RASL12: variants seen among roughly 807,000 people sequenced by gnomAD.
The protein encoded by RASL12 is RAS like family 12.
RASL12 carries 16 observed loss-of-function variants against 22.9 expected under a neutral mutation model. The observed-to-expected ratio is 0.70, with a 90% confidence interval of 0.47 to 1.06. RASL12 has a LOEUF of 1.06. Among genes scored for constraint, RASL12 ranks in the 50% least tolerant of loss-of-function variants. The probability of loss-of-function intolerance (pLI) is 0.00; values close to 1 mark genes in which losing one functional copy is unlikely to be tolerated. For synonymous variants in RASL12, 159 were observed against 152.2 expected (o/e 1.04, Z -0.33); for missense variants, 306 against 353.1 (o/e 0.87, Z 1.07).
chr15:65,072,786 C>A (rs2086940652), upstream of RASL12, among the ~76,000 whole-genome samples: 1 of 152,126 alleles, frequency 6.6e-6, no homozygotes, highest in Non-Finnish European at 1.5e-5. Context: ...GAGGATTGAA[C>A]CATATGAGCC....
At chr15:65,050,034 C>T (rs887720551), downstream of RASL12, 4 of 1,551,476 alleles carry the variant, frequency 2.6e-6, no homozygotes, top group Non-Finnish European at 3.5e-6. Flanking sequence ...CTCCCGGAGA[C>T]CCAGCCGGTA....
chr15:65,057,042 C>T (rs1334206468), intron 4 of RASL12, among the ~76,000 whole-genome samples: 2 of 152,194 alleles, frequency 1.3e-5, no homozygotes, highest in Non-Finnish European at 2.9e-5. Context: ...TCAAAGACTA[C>T]CTTCAGCAGC....
At chr15:65,052,954 C>G, downstream of RASL12, 3 of 1,574,820 alleles carry the variant, frequency 1.9e-6, no homozygotes, top group Non-Finnish European at 1.7e-6. Context: ...ACACTGTTCC[C>G]TGTCCCCCCA....
At chr15:65,066,162 T>G (rs2086876922) in intron 1 of RASL12, among the ~76,000 whole-genome samples, 15 of 105,808 alleles carry the variant, frequency 1.4e-4, no homozygotes, top group African/African-American at 1.5e-4. Context: ...AAGAGAGGGA[T>G]GAAGGGAAGG....
At chr15:65,050,125 AG>A, downstream of RASL12, 1 of 1,542,228 alleles carries the variant, frequency 6.5e-7, no homozygotes, top group Non-Finnish European at 8.8e-7. Context: ...GATTGACGGC[AG>A]GGGTGGGGGT....
chr15:65,055,352 G>A (rs751857829), intron 4 of RASL12, 78 bp from the exon 5 acceptor site: 23 of 1,328,854 alleles, frequency 1.7e-5, no homozygotes, highest in East Asian at 2.5e-5. Flanking sequence ...TACACCCAGC[G>A]CCCCATGGAC....
rs962911468 is a variant in RASL12, at chr15:65,058,701, C to A, written c.235-84G>T. The A allele has an allele frequency of 7.0e-6, 7 of 995,466 alleles. No individual in the cohort carries two copies. In the East Asian group the frequency reaches 2.0e-4, roughly 29 times the overall value. 61.7% of individuals were successfully genotyped at this position (995,466 alleles called of 1,614,324 possible). A position where few individuals can be genotyped will look rare whatever the true frequency, so the allele number is the denominator to read the frequency against. On this transcript the variant is annotated intron_variant, in intron 3 of 4. Transcript: ENST00000220062. ...ACCTGAGCCGCCCAATCCCACCTCC[C>A]CACTCCCCGGTCTTTGTATATTGTT...
intron 4 of RASL12, among the ~76,000 whole-genome samples, chr15:65,055,476 T>C (rs2086720526): frequency 6.6e-6 from 1 of 152,218 alleles, no homozygotes. Context: ...AGACAATTTG[T>C]TTCAAGTGCT....
the RASL12 span, among the ~76,000 whole-genome samples, chr15:65,047,625 T>TA: frequency 6.6e-6 from 1 of 152,192 alleles, no homozygotes; most frequent in Non-Finnish European, 1.5e-5. Flanking sequence ...CAGGCACTCT[T>TA]ACATCTGAGA....
intron 2 of RASL12, among the ~76,000 whole-genome samples, chr15:65,061,087 A>G (rs2086797824): frequency 6.6e-6 from 1 of 152,228 alleles, no homozygotes; most frequent in African/African-American, 2.4e-5. Context: ...CAATGGGCGC[A>G]GTGTCCTGCC....
upstream of RASL12, among the ~76,000 whole-genome samples, chr15:65,070,730 T>C (rs1426288648): frequency 6.6e-6 from 1 of 152,220 alleles, no homozygotes; most frequent in Non-Finnish European, 1.5e-5. Context: ...CCCTTTCATA[T>C]AAAGCTAAGC....
downstream of RASL12, chr15:65,050,001 G>A (rs749508267): frequency 2.1e-5 from 32 of 1,550,294 alleles, no homozygotes; most frequent in Non-Finnish European, 2.5e-5. Flanking sequence ...CCAGGAGCAG[G>A]GGCATGGAGC....
chr15:65,054,974 G>T lies in RASL12; in HGVS notation c.726C>A (p.Thr242=). The T allele has an allele frequency of 2.5e-6, 4 of 1,614,190 alleles. No homozygotes were observed. Among genetic ancestry groups the T allele is most frequent in the Non-Finnish European group, 3.4e-6 (4 of 1,180,032 alleles). The change falls in exon 5 of 5, where the codon ACC becomes ACA. Residue 242 remains threonine (T), a synonymous_variant. Coordinates refer to ENST00000220062, the MANE Select transcript of RASL12 (RefSeq NM_016563.4). ...TGCTCTGGGCCCGGGATGACTTCAC[G>T]GTGACCAGCTTGGCCTGGGCCACAG... ...MPTVAQAKLV[T]VKSSRAQSKR...
downstream of RASL12, chr15:65,051,745 C>T (rs1408266839): frequency 7.6e-6 from 5 of 659,206 alleles, no homozygotes. Context: ...CTTCAGTGTC[C>T]TTCGAGAACC....
rs367655983 is a variant in RASL12, at chr15:65,064,013, A to C, written c.160+1204T>G. Among the ~76,000 whole-genome samples, 20 of 152,316 alleles carry C rather than the reference A, an allele frequency of 1.3e-4. 1 individual carries two copies. The highest frequency in any genetic ancestry group is 4.8e-4 in the African/African-American group (20 of 41,564). On this transcript the variant is annotated intron_variant, in intron 2 of 4. Transcript: ENST00000220062. ...TTATGAATGGGGAAAATAATCCAAGACTGCAACACCCATTTTCTAAAGGCT... is the reference window on the plus strand; with the variant it reads ...TTATGAATGGGGAAAATAATCCAAGCCTGCAACACCCATTTTCTAAAGGCT...
downstream of RASL12, among the ~76,000 whole-genome samples, chr15:65,048,719 TG>T (rs1190797317): frequency 2.0e-5 from 3 of 152,158 alleles, no homozygotes; most frequent in African/African-American, 7.2e-5. Flanking sequence ...TAAAAAAATG[TG>T]TTATTGGGTC....
downstream of RASL12, chr15:65,049,515 C>T (rs952106782): frequency 1.3e-5 from 2 of 152,376 alleles, no homozygotes; most frequent in Middle Eastern, 3.4e-3. Context: ...GAAACACAGG[C>T]CTGTGATTGG....
At chr15:65,075,090 C>T (rs1264080846) in intron 1 of RASL12, among the ~76,000 whole-genome samples, 1 of 152,204 alleles carries the variant, frequency 6.6e-6, no homozygotes, top group African/African-American at 2.4e-5. Context: ...TCCAGGTGGG[C>T]GTGGGCTTGG....
chr15:65,061,865 C>T (rs2086809769), intron 2 of RASL12, among the ~76,000 whole-genome samples: 1 of 151,564 alleles, frequency 6.6e-6, no homozygotes, highest in South Asian at 2.1e-4. Context: ...CTGCTGAACA[C>T]GGTGAAACCC....
Sources: allele counts gnomAD v4.1 joint callset (sites outside exome capture counted in the v4.1 genomes callset), GRCh38; gene constraint gnomAD v4.1.1; transcripts MANE v1.5; gene names NCBI Gene and HGNC (gene_info 2026-07-23, HGNC 2026-07-21).